The following USP49 variants were observed in gnomAD, a reference collection of about 807,000 sequenced individuals.
USP49 encodes the protein ubiquitin carboxyl-terminal hydrolase 49.
In USP49, 24 loss-of-function variants were observed where a neutral mutation model predicts 58.6. The ratio of observed to expected loss-of-function variants is 0.41; its 90% CI spans 0.30 to 0.58. The LOEUF (loss-of-function observed/expected upper bound fraction) is 0.58, where lower values mean the gene tolerates loss of function less well. Among genes scored for constraint, USP49 ranks in the 20% least tolerant of loss-of-function variants. USP49 has a pLI of 0.30. For missense variants in USP49, 703 were observed against 866.1 expected, an observed-to-expected ratio of 0.81 and a Z score of 2.36; for synonymous variants, 408 against 365.1, an observed-to-expected ratio of 1.12 and a Z score of -1.34.
At chr6:41,884,642 C>T (rs1774676543) in intron 2 of USP49, among the ~76,000 whole-genome samples, 1 of 152,088 alleles carries the variant, frequency 6.6e-6, no homozygotes, top group Non-Finnish European at 1.5e-5. Flanking sequence ...AGTAGGAAGT[C>T]CAAATTCAGA....
At chr6:41,831,446 G>T (rs1164201779) in intron 3 of USP49, among the ~76,000 whole-genome samples, 4 of 151,666 alleles carry the variant, frequency 2.6e-5, no homozygotes, top group African/African-American at 9.7e-5. Context: ...TGGGCGTGGT[G>T]GTGCGCACCT....
In USP49 at chr6:41,803,700, T is replaced by A. The variant is rs1773059619; in HGVS notation, c.1561+106A>T. The A allele has an allele frequency of 2.5e-6, 3 of 1,211,506 alleles. No individual in the cohort carries two copies. The South Asian group carries it at 4.1e-5, about 17-fold the overall frequency. The allele number at this position is 1,211,506 out of a possible 1,614,324, so 75.0% of individuals were successfully genotyped here. A position where few individuals can be genotyped will look rare whatever the true frequency, so the allele number is the denominator to read the frequency against. The stretch of plus-strand genomic sequence containing the variant: ...TCTTTAAAAGATGCTTTAGAACCAT[T>A]CAATATCATTAGTGTTACTTTTGAC... On this transcript the variant is annotated intron_variant, in intron 5 of 7. Coordinates refer to ENST00000682992, the MANE Select transcript of USP49 (RefSeq NM_001286554.2). This position sits in a 1 kb window ranked among gnomAD's most constrained non-coding sequence, Gnocchi z 4.1.
chr6:41,888,485 C>T (rs1255580579), intron 2 of USP49, among the ~76,000 whole-genome samples: 1 of 152,044 alleles, frequency 6.6e-6, no homozygotes. Context: ...CAGAGTTTCA[C>T]TCTTGTTGCC....
intron 3 of USP49, among the ~76,000 whole-genome samples, chr6:41,864,956 C>T (rs1007547391): frequency 2.0e-5 from 3 of 152,032 alleles, no homozygotes; most frequent in East Asian, 1.9e-4. Context: ...GAAAATCTCA[C>T]GCATTTAAGA....
At chr6:41,895,129 C>A (rs1443306814) in intron 1 of USP49, among the ~76,000 whole-genome samples, 195 bp downstream of exon 1, 4 of 149,690 alleles carry the variant, frequency 2.7e-5, no homozygotes. Flanking sequence ...TCGCCCCTCA[C>A]CCGGTGTGTG....
At chr6:41,840,332 C>T (rs776703425) in intron 3 of USP49, among the ~76,000 whole-genome samples, 1 of 150,504 alleles carries the variant, frequency 6.6e-6, no homozygotes, top group African/African-American at 2.4e-5. Flanking sequence ...CGAGATTACA[C>T]CACTGCACTC....
intron 3 of USP49, among the ~76,000 whole-genome samples, chr6:41,837,323 G>A (rs1402894924): frequency 6.6e-6 from 1 of 152,060 alleles, no homozygotes; most frequent in East Asian, 1.9e-4. Context: ...ACAACCATCT[G>A]ATACTCAACA....
At chr6:41,877,074 C>T (rs1774515516) in intron 2 of USP49, among the ~76,000 whole-genome samples, 2 of 152,266 alleles carry the variant, frequency 1.3e-5, no homozygotes, top group South Asian at 4.1e-4. Flanking sequence ...TTCAGTGCAC[C>T]ACATAGAAAG....
intron 3 of USP49, among the ~76,000 whole-genome samples, chr6:41,808,402 T>C (rs1581994872): frequency 6.9e-6 from 1 of 145,642 alleles, no homozygotes; most frequent in Admixed American, 7.3e-5. Context: ...AAAGAAGCTA[T>C]ACAACTTTTT....
chr6:41,807,178 A>G (rs1051387096), intron 3 of USP49, among the ~76,000 whole-genome samples, 167 bp from the exon 4 acceptor site: 2 of 152,124 alleles, frequency 1.3e-5, no homozygotes, highest in Non-Finnish European at 2.9e-5. Flanking sequence ...AAAAAAAGGC[A>G]CATTTGGTAT....
In USP49 at chr6:41,796,629, T is replaced by A. The variant is rs1251309213; in HGVS notation, c.1971A>T (p.Arg657Ser). ...AGATTCTTGCATTGCCCTGCACTGT[T>A]CTTTGAGTGTAAAAAAGGATGTAGG... ...TQAYILFYTQRTVQGNARISE... is the reference protein window; with the variant it reads ...TQAYILFYTQSTVQGNARISE... The change falls in exon 8 of 8, where the codon AGA becomes AGT. Residue 657 changes from arginine to serine, a missense_variant. This residue lies in a region of USP49 where 158 missense variants were observed against 241.2 expected (regional missense o/e 0.66). Transcript: ENST00000682992. 1 of 717,402 alleles carries A rather than the reference T, an allele frequency of 1.4e-6. No individual in the cohort carries two copies. The highest frequency in any genetic ancestry group is 1.7e-5 in the African/African-American group (1 of 57,262). 44.4% of individuals were successfully genotyped at this position (717,402 alleles called of 1,614,324 possible).
At position 41,806,924 on chromosome 6, in the gene USP49, G is replaced by A. The variant is rs777246340; in HGVS notation, c.60C>T (p.Asn20=). 3.1e-6 allele frequency: 5 copies of A among 1,612,806 alleles called. No individual in the cohort carries two copies. The East Asian group carries it at 8.9e-5, about 29-fold the overall frequency. The change falls in exon 4 of 8, where the codon AAC becomes AAT. Residue 20 remains asparagine (N), a synonymous_variant. Coordinates refer to ENST00000682992, the MANE Select transcript of USP49 (RefSeq NM_001286554.2). This position sits in a 1 kb window ranked among gnomAD's most constrained non-coding sequence, Gnocchi z 5.9. The stretch of plus-strand genomic sequence containing the variant: ...ACTCTAAGCAGCACCACTTCTGAGG[G>A]TTCAGGATGGAGTGGTCCTGGGCGA... ...LRLAQDHSIL[N]PQKWCCLECA... is the part of the protein sequence containing the mutation.
intron 2 of USP49, among the ~76,000 whole-genome samples, chr6:41,880,022 A>G (rs1561926130): frequency 1.3e-5 from 2 of 152,226 alleles, no homozygotes; most frequent in African/African-American, 4.8e-5. Context: ...AATGAAATGA[A>G]CAAGTAATGT....
chr6:41,886,952 C>T (rs1233049333), intron 2 of USP49, among the ~76,000 whole-genome samples: 2 of 152,162 alleles, frequency 1.3e-5, no homozygotes, highest in Non-Finnish European at 2.9e-5. Context: ...TCATTTTCAA[C>T]TACAATGTAT....
chr6:41,857,960 GATA>G (rs1774159280), intron 3 of USP49, among the ~76,000 whole-genome samples: 1 of 152,184 alleles, frequency 6.6e-6, no homozygotes, highest in African/African-American at 2.4e-5. Flanking sequence ...ATTCAACTAT[GATA>G]ATGTCAACCA....
chr6:41,791,737 G>C lies in USP49; in HGVS notation c.*4796C>G, dbSNP rs1484127042. The C allele has an allele frequency of 6.6e-6, 1 of 152,240 alleles. No individual in the cohort carries two copies. The highest frequency in any genetic ancestry group is 1.5e-5 in the Non-Finnish European group (1 of 68,050). 9.4% of individuals were successfully genotyped at this position (152,240 alleles called of 1,614,324 possible). A position where few individuals can be genotyped will look rare whatever the true frequency, so the allele number is the denominator to read the frequency against. Reference sequence around the variant, plus strand: ...TAGTAGCTATGGTGTATTTAGTGCAGAGTGTGGGATGAATAAGTACATAGT... The same window carrying C: ...TAGTAGCTATGGTGTATTTAGTGCACAGTGTGGGATGAATAAGTACATAGT... On this transcript the variant is annotated 3_prime_UTR_variant, in exon 8 of 8. Transcript: ENST00000682992.
At position 41,795,976 on chromosome 6, in the gene USP49, C is replaced by G. The variant is rs1466825352; in HGVS notation, c.*557G>C. 1 of 152,318 alleles carries G rather than the reference C, an allele frequency of 6.6e-6. No individual in the cohort carries two copies. The highest frequency in any genetic ancestry group is 1.9e-4 in the East Asian group (1 of 5,196). 9.4% of individuals were successfully genotyped at this position (152,318 alleles called of 1,614,324 possible). On this transcript the variant is annotated 3_prime_UTR_variant, in exon 8 of 8. Coordinates refer to ENST00000682992, the MANE Select transcript of USP49 (RefSeq NM_001286554.2). ...CCATGCATCTCACTCCACTCTTCAGCTGCTATCCCCAAAAAAGGAAGTTTG... is the reference window on the plus strand; with the variant it reads ...CCATGCATCTCACTCCACTCTTCAGGTGCTATCCCCAAAAAAGGAAGTTTG...
chr6:41,888,982 T>G (rs2127366540), intron 2 of USP49, among the ~76,000 whole-genome samples: 1 of 152,242 alleles, frequency 6.6e-6, no homozygotes, highest in Non-Finnish European at 1.5e-5. Flanking sequence ...GATATTTCCA[T>G]TCGTCCCCCT....
intron 3 of USP49, among the ~76,000 whole-genome samples, chr6:41,811,225 A>G (rs549749570): frequency 6.6e-6 from 1 of 152,266 alleles, no homozygotes; most frequent in South Asian, 2.1e-4. Context: ...AGCACCCTTT[A>G]CATCATTTTT....
Sources: gnomAD v4.1 joint callset for allele counts (sites outside exome capture counted in the v4.1 genomes callset) on GRCh38, gnomAD v4.1.1 for gene constraint, gnomAD v4.1.1 regional missense constraint, Gnocchi (gnomAD v3.1) non-coding constraint, MANE v1.5 for transcripts, NCBI Gene and HGNC (gene_info 2026-07-23, HGNC 2026-07-21) for gene names.